MED14: variants seen among roughly 807,000 people sequenced by gnomAD.
The protein encoded by MED14 is mediator complex subunit 14.
MED14 carries 8 observed loss-of-function variants against 109.0 expected under a neutral mutation model. That is an observed-to-expected ratio of 0.07 (90% confidence interval 0.04 to 0.13). The LOEUF (loss-of-function observed/expected upper bound fraction) is 0.13, where lower values mean the gene tolerates loss of function less well. Among genes scored for constraint, MED14 ranks in the 10% least tolerant of loss-of-function variants. The pLI, the probability that MED14 is intolerant of heterozygous loss-of-function variation, is 1.00. For missense variants in MED14, 711 were observed against 1,142.4 expected, an observed-to-expected ratio of 0.62 and a Z score of 5.44; for synonymous variants, 399 against 408.7, an observed-to-expected ratio of 0.98 and a Z score of 0.29.
At chrX:40,726,633 T>G in intron 3 of MED14, 113 bp downstream of exon 3, 2 of 542,079 alleles carry the variant, frequency 3.7e-6, no homozygotes, top group Non-Finnish European at 5.9e-6. Context: ...AATATGATTA[T>G]TCACATGTCA....
intron 10 of MED14, among the ~76,000 whole-genome samples, chrX:40,707,107 G>GGATAGATAGATA (rs544581828): frequency 7.8e-4 from 79 of 101,323 alleles, no homozygotes; most frequent in East Asian, 3.4e-3. Context: ...ATACATAGAT[G>GGATAGATAGATA]GATAGATAGA....
chrX:40,674,626 C>T (rs924264193), intron 22 of MED14, among the ~76,000 whole-genome samples: 1 of 112,098 alleles, frequency 8.9e-6, no homozygotes, highest in Non-Finnish European at 1.9e-5. Flanking sequence ...GAGGATTTTC[C>T]AGACTAGGGA....
chrX:40,702,440 A>G (rs969140400), intron 11 of MED14, among the ~76,000 whole-genome samples: 6 of 94,420 alleles, frequency 6.4e-5, no homozygotes, highest in Non-Finnish European at 1.2e-4. Flanking sequence ...TCCGCCTCCC[A>G]GGTTCACGCC....
At chrX:40,716,595 A>C (rs753112366) in intron 3 of MED14, among the ~76,000 whole-genome samples, 1 of 109,539 alleles carries the variant, frequency 9.1e-6, no homozygotes, top group African/African-American at 3.3e-5. Context: ...GTCTCAAAAA[A>C]AAAAAAAAAC....
intron 30 of MED14, among the ~76,000 whole-genome samples, chrX:40,652,982 GA>G (rs5902260): frequency 0.03 from 3,380 of 111,093 alleles, 103 homozygotes; most frequent in Admixed American, 0.12. Flanking sequence ...TCCAAGGGGG[GA>G]AAAAAATGAA....
At chrX:40,659,841 T>C in intron 26 of MED14, 1 of 289,588 alleles carries the variant, frequency 3.5e-6, no homozygotes, top group Non-Finnish European at 6.0e-6. Context: ...CAAAACAACA[T>C]AAAAAAACTT....
At chrX:40,661,837 C>G (rs773498145) in intron 26 of MED14, among the ~76,000 whole-genome samples, 13 of 110,360 alleles carry the variant, frequency 1.2e-4, no homozygotes, top group Middle Eastern at 4.2e-3. Context: ...CTTTTTTCTA[C>G]GAGAGTTTTT....
chrX:40,666,181 T>C (rs1475634796), intron 24 of MED14, among the ~76,000 whole-genome samples: 2 of 111,919 alleles, frequency 1.8e-5, no homozygotes, highest in African/African-American at 3.2e-5. Context: ...TGCTTGTGTA[T>C]GCATAAAACA....
chrX:40,650,996 G>A lies in MED14; in HGVS notation c.*810C>T, dbSNP rs1342654884. 2 of 751,709 alleles carry A rather than the reference G, an allele frequency of 2.7e-6. No homozygotes were observed. The highest frequency in any genetic ancestry group is 1.5e-4 in the East Asian group (1 of 6,662). The allele number at this position is 751,709 out of a possible 1,213,427, so 61.9% of individuals were successfully genotyped here. A position where few individuals can be genotyped will look rare whatever the true frequency, so the allele number is the denominator to read the frequency against. Reference sequence around the variant, plus strand: ...ATTATTTGGGATCCTTGATCAATACGAACCACATACTGTCCCTTCTCAAAG... The same window carrying A: ...ATTATTTGGGATCCTTGATCAATACAAACCACATACTGTCCCTTCTCAAAG... On this transcript the variant is annotated 3_prime_UTR_variant, in exon 31 of 31. Coordinates refer to ENST00000324817, the MANE Select transcript of MED14 (RefSeq NM_004229.4).
intron 25 of MED14, among the ~76,000 whole-genome samples, chrX:40,663,454 T>G (rs1929364325): frequency 8.9e-6 from 1 of 112,011 alleles, no homozygotes. Flanking sequence ...ACCAACAGAA[T>G]GTGGTGGAAG....
intron 21 of MED14, among the ~76,000 whole-genome samples, chrX:40,678,523 C>T (rs1260890897): frequency 2.7e-5 from 3 of 111,270 alleles, no homozygotes; most frequent in Non-Finnish European, 3.8e-5. Flanking sequence ...AAATTGCTAC[C>T]TAACCATGTT....
At chrX:40,719,725 G>A (rs181258660) in intron 3 of MED14, among the ~76,000 whole-genome samples, 3 of 111,958 alleles carry the variant, frequency 2.7e-5, no homozygotes, top group Non-Finnish European at 5.6e-5. Flanking sequence ...TGTGATGATG[G>A]TTGCACATAT....
At chrX:40,703,286 C>T (rs745850292) in intron 11 of MED14, among the ~76,000 whole-genome samples, 158 bp downstream of exon 11, 5 of 112,475 alleles carry the variant, frequency 4.4e-5, no homozygotes, top group African/African-American at 6.5e-5. Context: ...TTAAAACGGC[C>T]CCGAGGAACT....
At chrX:40,712,838 C>T (rs1931381451) in intron 6 of MED14, 76 bp downstream of exon 6, 6 of 966,966 alleles carry the variant, frequency 6.2e-6, no homozygotes, top group East Asian at 7.1e-5. Flanking sequence ...CATCCCCAGC[C>T]GGGAATATTT....
chrX:40,694,635 G>T (rs1930659582), intron 13 of MED14, among the ~76,000 whole-genome samples: 1 of 111,452 alleles, frequency 9.0e-6, no homozygotes, highest in Non-Finnish European at 1.9e-5. Flanking sequence ...TGTAAATTAG[G>T]CCTACGATAA....
In MED14 at chrX:40,711,314, G is replaced by GT; in HGVS notation, c.890-14dup. 8.5e-7 allele frequency: 1 copy of GT among 1,172,918 alleles called. No homozygotes were observed. The highest frequency in any genetic ancestry group is 1.2e-6 in the Non-Finnish European group (1 of 865,097). On this transcript the variant is annotated splice_polypyrimidine_tract_variant and intron_variant, in intron 7 of 30. Transcript: ENST00000324817. ...AAACAGAAAGAATCTGATAGATGTT[G>GT]TTAAGTAAAATTAATACATTACACC...
chrX:40,729,611 C>T, intron 1 of MED14: 1 of 327,417 alleles, frequency 3.1e-6, no homozygotes, highest in South Asian at 5.8e-5. Flanking sequence ...TTTAAAAAGC[C>T]CAAGTCCCAC....
intron 13 of MED14, among the ~76,000 whole-genome samples, chrX:40,693,564 C>G (rs942977233): frequency 4.5e-5 from 5 of 111,253 alleles, no homozygotes; most frequent in Non-Finnish European, 9.4e-5. Flanking sequence ...GTAAATTGTC[C>G]AGTCTCAGGT....
Position 40,729,299 on chromosome X carries a change from T to C in MED14, c.242+20A>G, listed in dbSNP as rs183375079. On this transcript the variant is annotated intron_variant, in intron 2 of 30. Coordinates refer to ENST00000324817, the MANE Select transcript of MED14 (RefSeq NM_004229.4). ...TTGATCAATAAAGAGACTTTAAGGG[T>C]TTTTTTTTTCCATACTCACCTTTCC... The C allele has an allele frequency of 9.1e-7, 1 of 1,104,367 alleles. No homozygotes were observed. Among genetic ancestry groups the C allele is most frequent in the African/African-American group, 1.9e-5 (1 of 52,491 alleles). 91.0% of individuals were successfully genotyped at this position (1,104,367 alleles called of 1,213,427 possible).
Sources: gnomAD v4.1 joint callset for allele counts (sites outside exome capture counted in the v4.1 genomes callset) on GRCh38, gnomAD v4.1.1 for gene constraint, MANE v1.5 for transcripts, NCBI Gene and HGNC (gene_info 2026-07-23, HGNC 2026-07-21) for gene names.